Variants in OTUD7B observed in about 807,000 individuals in gnomAD.
OTUD7B encodes OTU domain-containing protein 7B.
Under a neutral mutation model 82.2 loss-of-function variants are expected in OTUD7B, and 34 were observed. The observed-to-expected ratio is 0.41, with a 90% CI of 0.31 to 0.55. The LOEUF is 0.55. Ranked by LOEUF, OTUD7B falls within the 20% of genes least tolerant of loss-of-function variation. The pLI is 0.20. For missense variants in OTUD7B, 944 were observed against 1,062.1 expected, an observed-to-expected ratio of 0.89 and a Z score of 1.55; for synonymous variants, 398 against 402.7, an observed-to-expected ratio of 0.99 and a Z score of 0.14.
chr1:150,053,895 C>G, the OTUD7B span: 20 of 423,976 alleles, frequency 4.7e-5, no homozygotes, highest in Admixed American at 1.6e-4. Flanking sequence ...AAGCCAGATA[C>G]TAAAGAGAAG....
intron 1 of OTUD7B, among the ~76,000 whole-genome samples, chr1:150,007,174 A>G (rs1652725580): frequency 6.6e-6 from 1 of 152,214 alleles, no homozygotes; most frequent in African/African-American, 2.4e-5. Context: ...TCTGTTTGGA[A>G]GATCCTTTCT....
At chr1:150,027,720 T>C in the OTUD7B span, among the ~76,000 whole-genome samples, 4 of 151,448 alleles carry the variant, frequency 2.6e-5, no homozygotes, top group African/African-American at 9.8e-5. Flanking sequence ...GCTAAAAGGA[T>C]AACTGCTAAA....
At position 149,959,924 on chromosome 1, in the gene OTUD7B, C is replaced by T. The variant is rs1254018209; in HGVS notation, c.733-128G>A. ...AGCACTTGGTTTACAAATTGTACTA[C>T]AAAGTCAAATCTCTTATCTCTTTTA... On this transcript the variant is annotated intron_variant, in intron 6 of 11. Coordinates refer to ENST00000581312, the MANE Select transcript of OTUD7B (RefSeq NM_020205.4). 7 of 645,992 alleles carry T rather than the reference C, an allele frequency of 1.1e-5. No homozygotes were observed. In the African/African-American group the frequency reaches 1.3e-4, roughly 12 times the overall value. 40.0% of individuals were successfully genotyped at this position (645,992 alleles called of 1,614,324 possible).
At chr1:149,947,492 G>A (rs1647845873) in intron 10 of OTUD7B, among the ~76,000 whole-genome samples, 157 bp from the exon 11 acceptor site, 1 of 152,192 alleles carries the variant, frequency 6.6e-6, no homozygotes, top group South Asian at 2.1e-4. Flanking sequence ...TTATGACCTT[G>A]AGCAAGTCAC....
chr1:149,990,570 TTC>T (rs1212178533), intron 1 of OTUD7B, among the ~76,000 whole-genome samples: 3 of 152,228 alleles, frequency 2.0e-5, no homozygotes, highest in East Asian at 1.9e-4. Context: ...CACTAATAGC[TTC>T]TCTGTTATAA....
At chr1:149,984,770 A>G (rs1161830150) in intron 1 of OTUD7B, among the ~76,000 whole-genome samples, 1 of 152,168 alleles carries the variant, frequency 6.6e-6, no homozygotes, top group East Asian at 1.9e-4. Context: ...TGTAGCAAAT[A>G]GTCCCCAATC....
At chr1:149,995,651 G>A (rs1553783190) in intron 1 of OTUD7B, among the ~76,000 whole-genome samples, 1 of 151,630 alleles carries the variant, frequency 6.6e-6, no homozygotes, top group Non-Finnish European at 1.5e-5. Flanking sequence ...GAACTTAACT[G>A]GAACTCAATT....
At chr1:150,023,966 AG>A in the OTUD7B span, among the ~76,000 whole-genome samples, 1 of 152,244 alleles carries the variant, frequency 6.6e-6, no homozygotes, top group Non-Finnish European at 1.5e-5. Flanking sequence ...TATGTTAATG[AG>A]TAATGACATA....
chr1:149,992,981 T>C (rs1571712466), intron 1 of OTUD7B, among the ~76,000 whole-genome samples: 1 of 151,592 alleles, frequency 6.6e-6, no homozygotes, highest in Admixed American at 6.6e-5. Context: ...GGAAACCCCA[T>C]CTCTACTAAA....
the OTUD7B span, among the ~76,000 whole-genome samples, chr1:150,050,723 A>G: frequency 1.3e-5 from 2 of 152,180 alleles, no homozygotes; most frequent in African/African-American, 4.8e-5. Context: ...TCATTCACAT[A>G]ACAATTACTC....
the OTUD7B span, among the ~76,000 whole-genome samples, chr1:150,043,570 CT>C: frequency 3.3e-5 from 5 of 151,980 alleles, no homozygotes; most frequent in African/African-American, 4.8e-5. Context: ...GAGTTCACCC[CT>C]ATTTGGACAT....
intron 1 of OTUD7B, among the ~76,000 whole-genome samples, chr1:149,987,568 A>G (rs1461273663): frequency 6.6e-6 from 1 of 152,192 alleles, no homozygotes; most frequent in African/African-American, 2.4e-5. Context: ...TAAATCCTCA[A>G]CAATTGTCAG....
the OTUD7B span, among the ~76,000 whole-genome samples, chr1:150,059,652 G>C: frequency 6.6e-6 from 1 of 152,042 alleles, no homozygotes; most frequent in South Asian, 2.1e-4. Context: ...TTACAGGCAC[G>C]AGCCACCATC....
chr1:149,996,147 T>A (rs1281798043), intron 1 of OTUD7B, among the ~76,000 whole-genome samples: 13 of 152,206 alleles, frequency 8.5e-5, no homozygotes, highest in Admixed American at 3.3e-4. Flanking sequence ...AGGCACGAAC[T>A]TTCAGGAAGC....
At chr1:150,049,131 C>G in the OTUD7B span, among the ~76,000 whole-genome samples, 1 of 152,192 alleles carries the variant, frequency 6.6e-6, no homozygotes, top group Non-Finnish European at 1.5e-5. Flanking sequence ...AGCCACCATG[C>G]CCCGTCTACT....
chr1:150,053,926 T>G, the OTUD7B span: 6 of 453,768 alleles, frequency 1.3e-5, no homozygotes, highest in Non-Finnish European at 2.1e-5. Context: ...TCAAGAAGGC[T>G]GATGCTGGTG....
chr1:150,066,416 T>C, the OTUD7B span, among the ~76,000 whole-genome samples: 2 of 101,558 alleles, frequency 2.0e-5, no homozygotes, highest in Non-Finnish European at 3.9e-5. This position sits in a 1 kb window ranked among gnomAD's most constrained non-coding sequence, Gnocchi z 4.6. Flanking sequence ...TTTATTTACT[T>C]GGTAGAAAAG....
chr1:150,009,516 A>C (rs1316386586), intron 1 of OTUD7B, among the ~76,000 whole-genome samples: 4 of 152,256 alleles, frequency 2.6e-5, no homozygotes, highest in South Asian at 2.1e-4. Flanking sequence ...GGAAAATAAA[A>C]GTCAACGTCC....
At chr1:149,984,377 A>C (rs1166998874) in intron 1 of OTUD7B, among the ~76,000 whole-genome samples, 1 of 152,230 alleles carries the variant, frequency 6.6e-6, no homozygotes, top group Non-Finnish European at 1.5e-5. Flanking sequence ...CTGCAGAAAG[A>C]GAATGGCACT....
Sources: allele counts gnomAD v4.1 joint callset (sites outside exome capture counted in the v4.1 genomes callset), GRCh38; gene constraint gnomAD v4.1.1; non-coding constraint Gnocchi (gnomAD v3.1); transcripts MANE v1.5; gene names NCBI Gene and HGNC (gene_info 2026-07-23, HGNC 2026-07-21).